EFCAB13: variants seen among roughly 807,000 people sequenced by gnomAD.
EFCAB13 encodes the protein EF-hand calcium-binding domain-containing protein 13.
EFCAB13 carries 91 observed loss-of-function variants against 110.2 expected under a neutral mutation model. That is an observed-to-expected ratio of 0.83 (90% CI 0.70 to 0.98). The LOEUF (loss-of-function observed/expected upper bound fraction) is 0.98. Ranked by LOEUF, EFCAB13 falls within the 50% of genes least tolerant of loss-of-function variation. The probability of loss-of-function intolerance (pLI) is 0.00; values close to 1 mark genes in which losing one functional copy is unlikely to be tolerated. For synonymous variants in EFCAB13, 323 were observed against 369.9 expected, an observed-to-expected ratio of 0.87 and a Z score of 1.45; for missense variants, 968 against 1,119.4, an observed-to-expected ratio of 0.86 and a Z score of 1.93.
At chr17:47,426,916 G>T (rs1189898848) in intron 23 of EFCAB13, among the ~76,000 whole-genome samples, 3 of 152,026 alleles carry the variant, frequency 2.0e-5, no homozygotes, top group Admixed American at 2.0e-4. Context: ...ATTTTAAAAA[G>T]TTGTATAGTT....
intron 23 of EFCAB13, among the ~76,000 whole-genome samples, chr17:47,415,509 G>T (rs1371077650): frequency 6.6e-6 from 1 of 152,084 alleles, no homozygotes; most frequent in African/African-American, 2.4e-5. Context: ...AATAAGTGAA[G>T]AAAATTGGGC....
chr17:47,380,430 A>G (rs1015285933), intron 14 of EFCAB13, among the ~76,000 whole-genome samples: 4 of 152,216 alleles, frequency 2.6e-5, no homozygotes, highest in Non-Finnish European at 5.9e-5. Context: ...TTATGGCTGC[A>G]TAGTAGTCCA....
intron 14 of EFCAB13, among the ~76,000 whole-genome samples, chr17:47,382,937 A>G (rs767165260): frequency 9.2e-5 from 14 of 152,078 alleles, no homozygotes; most frequent in Non-Finnish European, 1.9e-4. Flanking sequence ...TTGGTAGGTT[A>G]TTAATTACTG....
At chr17:47,419,408 C>A (rs576033555) in intron 23 of EFCAB13, among the ~76,000 whole-genome samples, 22 of 152,180 alleles carry the variant, frequency 1.4e-4, no homozygotes, top group Admixed American at 2.6e-4. Context: ...CATGGCAAGA[C>A]CCTGTCCCTA....
intron 17 of EFCAB13, among the ~76,000 whole-genome samples, chr17:47,398,695 C>T (rs2065761967): frequency 6.6e-6 from 1 of 150,772 alleles, no homozygotes; most frequent in Non-Finnish European, 1.5e-5. Context: ...ATCTCAAGTA[C>T]CCAGGGACAC....
chr17:47,329,285 A>G (rs2065306113), intron 4 of EFCAB13, among the ~76,000 whole-genome samples: 1 of 152,144 alleles, frequency 6.6e-6, no homozygotes, highest in Admixed American at 6.5e-5. Flanking sequence ...TTTCCAGAAC[A>G]CAAAAGGGTG....
chr17:47,409,478 A>G, intron 20 of EFCAB13, 169 bp from the exon 21 acceptor site: 1 of 606,448 alleles, frequency 1.6e-6, no homozygotes, highest in South Asian at 2.4e-5. Context: ...GTGAGGAGAG[A>G]ATGGATATTT....
At chr17:47,398,096 C>T (rs1481809512) in intron 17 of EFCAB13, among the ~76,000 whole-genome samples, 1 of 148,156 alleles carries the variant, frequency 6.7e-6, no homozygotes, top group African/African-American at 2.5e-5. Context: ...CCAGCCGCCC[C>T]GTCCGGGAGG....
intron 23 of EFCAB13, chr17:47,423,655 C>G: frequency 2.5e-6 from 1 of 400,504 alleles, no homozygotes; most frequent in Non-Finnish European, 4.2e-6. Context: ...CAGGTAGGTG[C>G]GGGCGGCGCG....
intron 9 of EFCAB13, among the ~76,000 whole-genome samples, chr17:47,351,298 TGTGTGTGC>T (rs781142725): frequency 0.079 from 10,319 of 129,862 alleles, 478 homozygotes; most frequent in South Asian, 0.12. Context: ...TGTGTGTGTG[TGTGTGTGC>T]GCGCGCGCGC....
At chr17:47,342,706 C>A (rs1173549778) in intron 6 of EFCAB13, among the ~76,000 whole-genome samples, 1 of 152,020 alleles carries the variant, frequency 6.6e-6, no homozygotes, top group Non-Finnish European at 1.5e-5. Context: ...TTAGATATTT[C>A]CCCTCTTTCA....
intron 5 of EFCAB13, among the ~76,000 whole-genome samples, chr17:47,337,586 A>T (rs992904971): frequency 5.9e-5 from 9 of 152,224 alleles, no homozygotes; most frequent in African/African-American, 1.7e-4. Context: ...GCTCATAATT[A>T]AAAAATACAC....
At chr17:47,420,217 G>A (rs28473679) in intron 23 of EFCAB13, among the ~76,000 whole-genome samples, 1 of 152,336 alleles carries the variant, frequency 6.6e-6, no homozygotes, top group South Asian at 2.1e-4. Flanking sequence ...CCAAGGTGCC[G>A]GGGTTGCAGA....
At chr17:47,424,931 G>A (rs1904891720) in intron 23 of EFCAB13, among the ~76,000 whole-genome samples, 1 of 107,618 alleles carries the variant, frequency 9.3e-6, no homozygotes, top group South Asian at 3.1e-4. Context: ...CGCCCAGGCT[G>A]GAGTGCAGTG....
chr17:47,362,609 A>T (rs1027338394), intron 10 of EFCAB13, among the ~76,000 whole-genome samples: 1 of 152,212 alleles, frequency 6.6e-6, no homozygotes, highest in African/African-American at 2.4e-5. Context: ...CCGGAGGCCT[A>T]ACCGTCTCCC....
At chr17:47,325,567 C>T (rs1376666434) in intron 2 of EFCAB13, among the ~76,000 whole-genome samples, 1 of 152,180 alleles carries the variant, frequency 6.6e-6, no homozygotes, top group Non-Finnish European at 1.5e-5. Context: ...TCTCCTGCTT[C>T]AGCCTCCTGG....
At chr17:47,439,181 T>G (rs1266801449) in intron 24 of EFCAB13, among the ~76,000 whole-genome samples, 1 of 127,836 alleles carries the variant, frequency 7.8e-6, no homozygotes, top group East Asian at 2.5e-4. Context: ...GTTTTTTTTT[T>G]TTTTTTTTTT....
chr17:47,430,844 C>T (rs1905101813), intron 24 of EFCAB13: 2 of 151,896 alleles, frequency 1.3e-5, no homozygotes, highest in Non-Finnish European at 2.9e-5. Context: ...TCTTGATTGA[C>T]CCTTTTAAAA....
intron 5 of EFCAB13, among the ~76,000 whole-genome samples, chr17:47,337,145 C>CTAGGAAGAAAAGGAAGGTCGTGGGAGGT (rs1456864645): frequency 6.6e-6 from 1 of 152,128 alleles, no homozygotes; most frequent in Admixed American, 6.5e-5. Context: ...AACTTGTTAC[C>CTAGGAAGAAAAGGAAGGTCGTGGGAGGT]TAGGAAGAAA....
Sources: allele counts gnomAD v4.1 joint callset (sites outside exome capture counted in the v4.1 genomes callset), GRCh38; gene constraint gnomAD v4.1.1; transcripts MANE v1.5; gene names NCBI Gene and HGNC (gene_info 2026-07-23, HGNC 2026-07-21).